RICTOR: variants seen among roughly 807,000 people sequenced by gnomAD.
RICTOR encodes RPTOR independent companion of MTOR complex 2.
RICTOR carries 49 observed loss-of-function variants against 214.9 expected under a neutral mutation model. That is an observed-to-expected ratio of 0.23 (90% confidence interval 0.18 to 0.29). The LOEUF (loss-of-function observed/expected upper bound fraction) is 0.29, where lower values mean the gene tolerates loss of function less well. Among genes scored for constraint, RICTOR ranks in the 10% least tolerant of loss-of-function variants. The pLI, the probability that RICTOR is intolerant of heterozygous loss-of-function variation, is 1.00. For synonymous variants in RICTOR, 717 were observed against 711.3 expected, an observed-to-expected ratio of 1.01 and a Z score of -0.13; for missense variants, 1,625 against 2,047.0, an observed-to-expected ratio of 0.79 and a Z score of 3.98.
intron 7 of RICTOR, 123 bp downstream of exon 7, chr5:38,990,826 G>GAGAT (rs1752706405): frequency 7.7e-6 from 1 of 129,786 alleles, no homozygotes; most frequent in African/African-American, 1.4e-4. Flanking sequence ...TGAGATATAT[G>GAGAT]ATATATGAGA....
At position 38,967,177 on chromosome 5, in the gene RICTOR, C is replaced by T. The variant is rs746828213; in HGVS notation, c.1202G>A (p.Arg401His). The change falls in exon 14 of 38, where the codon CGT (arginine) becomes CAT (histidine). Residue 401 changes from arginine (R) to histidine (H), a missense_variant. Arg to His is a conservative substitution (Grantham distance 29, BLOSUM62 0). This residue lies in a region of RICTOR where 1,214 missense variants were observed against 1,470.5 expected (regional missense o/e 0.83). Transcript: ENST00000357387. ...YLALILSAFI[R>H]NGLLEGLVEV... ...AAGTCTTACCTCTAAAAGTCCATTA[C>T]GAATAAATGCAGAGAGTATCAGTGC... 14 of 1,608,734 alleles carry T rather than the reference C, an allele frequency of 8.7e-6. No homozygotes were observed. Among genetic ancestry groups the T allele is most frequent in the South Asian group, 6.6e-5 (6 of 90,954 alleles).
At chr5:38,961,735 AAAT>A (rs1419316264) in intron 19 of RICTOR, among the ~76,000 whole-genome samples, 1 of 152,176 alleles carries the variant, frequency 6.6e-6, no homozygotes, top group African/African-American at 2.4e-5. Context: ...GAATGCAATC[AAAT>A]AATAATGTTA....
chr5:39,039,463 A>C (rs1757001022), intron 2 of RICTOR, among the ~76,000 whole-genome samples: 1 of 152,202 alleles, frequency 6.6e-6, no homozygotes, highest in Non-Finnish European at 1.5e-5. Flanking sequence ...AAAATTGACA[A>C]ATGGGATCTA....
chr5:38,955,315 A>G (rs1248329146), intron 26 of RICTOR, among the ~76,000 whole-genome samples: 1 of 151,950 alleles, frequency 6.6e-6, no homozygotes, highest in Non-Finnish European at 1.5e-5. Flanking sequence ...ATCATTTTGG[A>G]TAAGTGATGT....
At chr5:39,059,031 T>G (rs931157283) in intron 2 of RICTOR, among the ~76,000 whole-genome samples, 1 of 152,110 alleles carries the variant, frequency 6.6e-6, no homozygotes, top group African/African-American at 2.4e-5. Context: ...TAAGGTGGAA[T>G]TACTGTAATT....
rs1748019636 is a variant in RICTOR, at chr5:38,945,032, T to C, written c.4670A>G (p.Gln1557Arg). Reference protein sequence around the residue: ...QDIPYSDWCEQTIHNPLEVVP... With the variant: ...QDIPYSDWCERTIHNPLEVVP... ...CACTTCTAAAGGATTATGGATAGTC[T>C]GCTCACACCAATCAGAATATGGAAT... The change falls in exon 35 of 38, where the codon CAG becomes CGG. Residue 1557 changes from glutamine to arginine, a missense_variant. Gln to Arg is a conservative substitution (Grantham distance 43, BLOSUM62 1). Coordinates refer to ENST00000357387, the MANE Select transcript of RICTOR (RefSeq NM_152756.5). 1 of 1,609,650 alleles carries C rather than the reference T, an allele frequency of 6.2e-7. No homozygotes were observed. Among genetic ancestry groups the C allele is most frequent in the Non-Finnish European group, 8.5e-7 (1 of 1,177,296 alleles).
At chr5:38,968,418 A>G (rs1297860397) in intron 11 of RICTOR, among the ~76,000 whole-genome samples, 3 of 151,702 alleles carry the variant, frequency 2.0e-5, no homozygotes, top group African/African-American at 7.3e-5. Flanking sequence ...TGGTTTACAT[A>G]TTTACTATAC....
At chr5:39,074,227 G>T (rs1043187903) in intron 1 of RICTOR, 69 bp from the exon 2 acceptor site, 2 of 1,576,232 alleles carry the variant, frequency 1.3e-6, no homozygotes, top group Non-Finnish European at 1.7e-6. Flanking sequence ...CCCTGGCTCC[G>T]GCCAGCGCCC....
At chr5:38,951,372 G>C (rs948671651) in intron 30 of RICTOR, among the ~76,000 whole-genome samples, 12 of 151,780 alleles carry the variant, frequency 7.9e-5, no homozygotes, top group Non-Finnish European at 1.5e-5. Context: ...TTTCAAAGAA[G>C]GTAAAAGAAA....
rs779493999 is a variant in RICTOR, at chr5:38,939,174, C to T, written c.*3130G>A. 1 of 232,808 alleles carries T rather than the reference C, an allele frequency of 4.3e-6. No individual in the cohort carries two copies. Among genetic ancestry groups the T allele is most frequent in the African/African-American group, 2.2e-5 (1 of 45,282 alleles). The allele number at this position is 232,808 out of a possible 1,614,324, so 14.4% of individuals were successfully genotyped here. A position where few individuals can be genotyped will look rare whatever the true frequency, so the allele number is the denominator to read the frequency against. ...AAAAGGCATCCTCTGAATGGAATAA[C>T]ATTTTATATAAATAGCAGTAGGAAA... On this transcript the variant is annotated 3_prime_UTR_variant, in exon 38 of 38. Coordinates refer to ENST00000357387, the MANE Select transcript of RICTOR (RefSeq NM_152756.5).
At chr5:39,070,148 C>T (rs1759203041) in intron 2 of RICTOR, among the ~76,000 whole-genome samples, 1 of 152,210 alleles carries the variant, frequency 6.6e-6, no homozygotes, top group South Asian at 2.1e-4. Context: ...AAACTCCTAA[C>T]CAGAAGAAAC....
intron 2 of RICTOR, among the ~76,000 whole-genome samples, chr5:39,057,657 C>A (rs919668363): frequency 6.6e-6 from 1 of 152,088 alleles, no homozygotes. Context: ...AAATTCACCA[C>A]TAAAAACAAG....
rs373683994 is a variant in RICTOR, at chr5:39,074,095, C to T, written c.97+16G>A. 2 of 1,556,676 alleles carry T rather than the reference C, an allele frequency of 1.3e-6. No individual in the cohort carries two copies. On this transcript the variant is annotated intron_variant, in intron 2 of 37. Coordinates refer to ENST00000357387, the MANE Select transcript of RICTOR (RefSeq NM_152756.5). ...CAGCAGCGCGCCCTCGCGGCGCCCG[C>T]GGCGCCCCGCGTTACCTCGGGTCAG... is the stretch of plus-strand genomic sequence containing the variant.
chr5:39,019,946 A>G (rs1755267655), intron 3 of RICTOR, among the ~76,000 whole-genome samples: 1 of 152,184 alleles, frequency 6.6e-6, no homozygotes, highest in Non-Finnish European at 1.5e-5. Flanking sequence ...CACTACCAGG[A>G]ATTTGGAAGA....
chr5:39,008,082 G>A (rs1399092835), intron 3 of RICTOR, among the ~76,000 whole-genome samples: 3 of 151,424 alleles, frequency 2.0e-5, no homozygotes, highest in African/African-American at 7.3e-5. Flanking sequence ...AACTTCATGA[G>A]GCCATTAAAA....
chr5:39,019,066 G>C (rs1408106309), intron 3 of RICTOR, among the ~76,000 whole-genome samples: 1 of 152,122 alleles, frequency 6.6e-6, no homozygotes, highest in Admixed American at 6.5e-5. Context: ...CTAACCCAGA[G>C]CAAGCAAGAC....
rs771642192 is a variant in RICTOR, at chr5:38,954,845, C to T, written c.2626G>A (p.Val876Ile). Reference protein sequence around the residue: ...RSNQRLQRPHVYLPIHLYGQL... With the variant: ...RSNQRLQRPHIYLPIHLYGQL... The stretch of plus-strand genomic sequence containing the variant: ...CCATAAAGGTGTATAGGCAGGTAGA[C>T]GTGAGGACGCTGTAATCTAGTATAA... Residue 876 changes from valine to isoleucine, a missense_variant, in exon 27 of 38, where the codon GTC (valine) becomes ATC (isoleucine). Val to Ile is a conservative substitution (Grantham distance 29). Coordinates refer to ENST00000357387, the MANE Select transcript of RICTOR (RefSeq NM_152756.5). 22 of 1,585,452 alleles carry T rather than the reference C, an allele frequency of 1.4e-5. No homozygotes were observed. The highest frequency in any genetic ancestry group is 1.7e-5 in the Admixed American group (1 of 59,532).
At chr5:39,010,440 G>A (rs958874939) in intron 3 of RICTOR, among the ~76,000 whole-genome samples, 2 of 152,184 alleles carry the variant, frequency 1.3e-5, no homozygotes, top group Non-Finnish European at 2.9e-5. Flanking sequence ...GGGCACTGCT[G>A]TAAAGATACA....
intron 10 of RICTOR, among the ~76,000 whole-genome samples, chr5:38,972,913 C>G (rs1326346037): frequency 3.4e-5 from 5 of 148,048 alleles, no homozygotes; most frequent in South Asian, 4.2e-4. Context: ...ATGTTCATTG[C>G]ATGAAATATT....
Sources: allele counts gnomAD v4.1 joint callset (sites outside exome capture counted in the v4.1 genomes callset), GRCh38; gene constraint gnomAD v4.1.1; regional missense constraint gnomAD v4.1.1; transcripts MANE v1.5; gene names NCBI Gene and HGNC (gene_info 2026-07-23, HGNC 2026-07-21).